EPRS1: variants seen among roughly 807,000 people sequenced by gnomAD.
EPRS1 encodes glutamyl-prolyl-tRNA synthetase 1.
EPRS1 carries 107 observed loss-of-function variants against 188.3 expected under a neutral mutation model. The ratio of observed to expected loss-of-function variants is 0.57; its 90% CI spans 0.49 to 0.67. The LOEUF (loss-of-function observed/expected upper bound fraction) is 0.67. EPRS1 is among the 30% of genes least tolerant of loss of function. The pLI, the probability that EPRS1 is intolerant of heterozygous loss-of-function variation, is 0.00. For missense variants in EPRS1, 1,577 were observed against 1,802.2 expected (o/e 0.88, Z 2.26); for synonymous variants, 596 against 593.1 (o/e 1.00, Z -0.07).
At chr1:220,018,813 A>T (rs549766422) in intron 11 of EPRS1, among the ~76,000 whole-genome samples, 182 bp downstream of exon 11, 1 of 142,426 alleles carries the variant, frequency 7.0e-6, no homozygotes, top group Admixed American at 7.6e-5. Flanking sequence ...TCACTATTAT[A>T]AGCAGTGATA....
At chr1:220,039,199 G>A (rs1232113665) in intron 2 of EPRS1, among the ~76,000 whole-genome samples, 1 of 152,162 alleles carries the variant, frequency 6.6e-6, no homozygotes, top group Non-Finnish European at 1.5e-5. Flanking sequence ...TTCCCTAGAA[G>A]TTTCAGTTAA....
At chr1:220,046,267 G>A in intron 1 of EPRS1, 76 bp downstream of exon 1, 4 of 1,572,188 alleles carry the variant, frequency 2.5e-6, no homozygotes, top group Non-Finnish European at 3.5e-6. Flanking sequence ...GCAAAGCCGG[G>A]GCGCAGCGAC....
Position 220,006,219 on chromosome 1 carries a change from T to C in EPRS1, c.1837A>G (p.Thr613Ala), listed in dbSNP as rs1286406579. 1.2e-6 allele frequency: 2 copies of C among 1,604,902 alleles called. No homozygotes were observed. Among genetic ancestry groups the C allele is most frequent in the Non-Finnish European group, 1.7e-6 (2 of 1,174,472 alleles). ...ACTGGAATAGGAAGAGCATGTGTAG[T>C]CTCTGCAAGCCAAGTGACCTTAGTG... ...KTTKVTWLAE[T>A]THALPIPVIC... is the part of the protein sequence containing the mutation. Residue 613 changes from threonine (T) to alanine (A), a missense_variant, in exon 15 of 32, where the codon ACT becomes GCT. This residue lies in a region of EPRS1 where 1,278 missense variants were observed against 1,457.4 expected (regional missense o/e 0.88). Coordinates refer to ENST00000366923, the MANE Select transcript of EPRS1 (RefSeq NM_004446.3).
In EPRS1 at chr1:219,982,756, C is replaced by T. The variant is rs1660923691; in HGVS notation, c.3373+16G>A. 2 of 1,608,166 alleles carry T rather than the reference C, an allele frequency of 1.2e-6. No homozygotes were observed. The highest frequency in any genetic ancestry group is 1.1e-5 in the South Asian group (1 of 90,938). The stretch of plus-strand genomic sequence containing the variant: ...GTTCAGTGAGCATTCTCTTGCACTC[C>T]AATGCCTATTCTCACCTGTTTCACT... On this transcript the variant is annotated intron_variant, in intron 23 of 31. Transcript: ENST00000366923.
chr1:220,036,988 GGAT>G (rs906959294), intron 2 of EPRS1, among the ~76,000 whole-genome samples: 2 of 151,704 alleles, frequency 1.3e-5, no homozygotes, highest in Non-Finnish European at 2.9e-5. Context: ...TAGAAAAATG[GGAT>G]AATAAAGTTG....
intron 22 of EPRS1, 35 bp from the exon 23 acceptor site, chr1:219,982,879 T>C: frequency 6.3e-7 from 1 of 1,582,854 alleles, no homozygotes; most frequent in Non-Finnish European, 8.7e-7. Flanking sequence ...TACTTTTTTT[T>C]CAATAGCATT....
rs144026458 is a variant in EPRS1 at position 219,987,319 on chromosome 1, G to A, written c.2861C>T (p.Ser954Leu). ...SLIGVEYKPV[S>L]ATGAEDKDKK... ...ATCTTTGTCCTCAGCTCCAGTGGCC[G>A]ACACAGGCTTATACTCTACTCCTAT... is the stretch of plus-strand genomic sequence containing the variant. Residue 954 changes from serine (S) to leucine (L), a missense_variant, in exon 20 of 32, where the codon TCG becomes TTG. Ser to Leu is a moderately radical substitution (Grantham distance 145). Coordinates refer to ENST00000366923, the MANE Select transcript of EPRS1 (RefSeq NM_004446.3). 55 of 1,613,668 alleles carry A rather than the reference G, an allele frequency of 3.4e-5. No homozygotes were observed. Among genetic ancestry groups the A allele is most frequent in the African/African-American group, 1.6e-4 (12 of 74,824 alleles).
At chr1:219,989,917 A>G (rs1389670832) in intron 18 of EPRS1, among the ~76,000 whole-genome samples, 1 of 152,122 alleles carries the variant, frequency 6.6e-6, no homozygotes, top group African/African-American at 2.4e-5. Context: ...CTCAAGAAAA[A>G]CGGCCAAGTT....
chr1:220,022,470 T>C lies in EPRS1; in HGVS notation c.992A>G (p.Gln331Arg). 6.2e-7 allele frequency: 1 copy of C among 1,614,044 alleles called. No individual in the cohort carries two copies. The highest frequency in any genetic ancestry group is 1.1e-5 in the South Asian group (1 of 91,042). Residue 331 changes from glutamine to arginine, a missense_variant, in exon 9 of 32, where the codon CAG becomes CGG. Gln to Arg is a conservative substitution (Grantham distance 43). Transcript: ENST00000366923. ...QMWEEMKKGS[Q>R]FGQSCCLRAK... ...TCGCAAACAACAGGACTGACCAAAC[T>C]GGCTCCCTTTTTTCATTTCTTCCCA... is the stretch of plus-strand genomic sequence containing the variant.
intron 17 of EPRS1, among the ~76,000 whole-genome samples, chr1:220,000,129 T>A (rs1661321980): frequency 6.6e-6 from 1 of 152,246 alleles, no homozygotes; most frequent in Non-Finnish European, 1.5e-5. Context: ...ATTTTCGGTA[T>A]GTGATTTTGC....
At position 220,040,061 on chromosome 1, in the gene EPRS1, T is replaced by C. The variant is rs533496514; in HGVS notation, c.131+124A>G. On this transcript the variant is annotated intron_variant, in intron 2 of 31. Transcript: ENST00000366923. ...GATGGCAGGATCCTGAGTCCACGAG[T>C]TCTAGGTACAGTGAGCTATGATCAT... 3.8e-5 allele frequency: 24 copies of C among 625,810 alleles called. No individual in the cohort carries two copies. The African/African-American group carries it at 4.4e-4, about 12-fold the overall frequency. The allele number at this position is 625,810 out of a possible 1,614,324, so 38.8% of individuals were successfully genotyped here. A position where few individuals can be genotyped will look rare whatever the true frequency, so the allele number is the denominator to read the frequency against.
In EPRS1 at chr1:220,032,439, G is replaced by C. The variant is rs904582377; in HGVS notation, c.476C>G (p.Ala159Gly). Residue 159 changes from alanine to glycine, a missense_variant, in exon 5 of 32, where the codon GCC (alanine) becomes GGC (glycine). This residue lies in a region of EPRS1 where 1,278 missense variants were observed against 1,457.4 expected (regional missense o/e 0.88). Transcript: ENST00000366923. ...CCACTTGGTACCTACTGACTGGAAG[G>C]CCTGCTGGGCTTCAAGAAAGCCAAA... ...RWFGFLEAQQ[A>G]FQSVGTKWDV... 4.3e-6 allele frequency: 7 copies of C among 1,613,136 alleles called. No individual in the cohort carries two copies. The highest frequency in any genetic ancestry group is 1.7e-5 in the Admixed American group (1 of 59,948).
chr1:219,970,419 A>T (rs1375189082), intron 30 of EPRS1, among the ~76,000 whole-genome samples: 1 of 29,406 alleles, frequency 3.4e-5, no homozygotes, highest in Non-Finnish European at 5.4e-5. Context: ...AGAAAATCGT[A>T]AATAAAGTGA....
At chr1:220,008,513 C>T (rs2789802) in intron 13 of EPRS1, among the ~76,000 whole-genome samples, 121,985 of 152,050 alleles carry the variant, frequency 0.8, 49,089 homozygotes, top group East Asian at 0.93. Context: ...GTTTTAACAA[C>T]AGATAACATA....
chr1:220,008,823 G>A (rs1406605086), intron 13 of EPRS1, among the ~76,000 whole-genome samples: 2 of 152,078 alleles, frequency 1.3e-5, no homozygotes, highest in African/African-American at 2.4e-5. Flanking sequence ...TTATAAGCAT[G>A]AACCATAATG....
intron 29 of EPRS1, 27 bp from the exon 30 acceptor site, chr1:219,972,174 C>T (rs746660197): frequency 7.3e-7 from 1 of 1,366,420 alleles, no homozygotes; most frequent in South Asian, 1.3e-5. Flanking sequence ...GAAAACAATA[C>T]ATAATTGTTC....
chr1:220,000,224 C>G (rs1479931580), intron 17 of EPRS1, among the ~76,000 whole-genome samples: 1 of 152,166 alleles, frequency 6.6e-6, no homozygotes, highest in Admixed American at 6.5e-5. Flanking sequence ...ATGATAGGCA[C>G]AGATGGGAAC....
chr1:219,973,169 T>C, intron 29 of EPRS1, 69 bp downstream of exon 29: 2 of 1,395,114 alleles, frequency 1.4e-6, no homozygotes, highest in South Asian at 1.3e-5. Context: ...CCCCAAAAAT[T>C]CCTTGGTAAA....
At chr1:219,969,376 C>A in intron 30 of EPRS1, 1 of 432,486 alleles carries the variant, frequency 2.3e-6, no homozygotes, top group Admixed American at 3.9e-5. Flanking sequence ...TTGCAGTACC[C>A]TCAAATCTCC....
Sources: allele counts gnomAD v4.1 joint callset (sites outside exome capture counted in the v4.1 genomes callset), GRCh38; gene constraint gnomAD v4.1.1; regional missense constraint gnomAD v4.1.1; transcripts MANE v1.5; gene names NCBI Gene and HGNC (gene_info 2026-07-23, HGNC 2026-07-21).